SMCO2: variants seen among roughly 807,000 people sequenced by gnomAD.
SMCO2 encodes the protein single-pass membrane and coiled-coil domain-containing protein 2.
Under a neutral mutation model 29.5 loss-of-function variants are expected in SMCO2, and 25 were observed. The observed-to-expected ratio is 0.85, with a 90% CI of 0.62 to 1.18. The LOEUF (loss-of-function observed/expected upper bound fraction) is 1.18, where lower values mean the gene tolerates loss of function less well. Among genes scored for constraint, SMCO2 ranks in the 50% most tolerant of loss-of-function variants. The pLI is 0.00. For missense variants in SMCO2, 348 were observed against 344.5 expected (o/e 1.01, Z -0.08); for synonymous variants, 117 against 123.3 (o/e 0.95, Z 0.34).
the SMCO2 span, among the ~76,000 whole-genome samples, chr12:27,440,648 G>GTTTTTT: frequency 8.2e-6 from 1 of 122,378 alleles, no homozygotes; most frequent in African/African-American, 3.0e-5. Context: ...TTTTCTGTGG[G>GTTTTTT]TTTTTTTTTT....
chr12:27,493,524 C>A (rs545394552), intron 5 of SMCO2, among the ~76,000 whole-genome samples: 204 of 150,138 alleles, frequency 1.4e-3, no homozygotes, highest in African/African-American at 4.9e-3. Context: ...CCGAATGAGA[C>A]CTTGTCTCAA....
the SMCO2 span, among the ~76,000 whole-genome samples, chr12:27,443,463 G>A: frequency 2.0e-5 from 3 of 152,138 alleles, no homozygotes; most frequent in African/African-American, 4.8e-5. Context: ...AACCACACAA[G>A]GATGTCCACT....
At chr12:27,465,864 C>T (rs306633), upstream of SMCO2, among the ~76,000 whole-genome samples, 15,322 of 152,144 alleles carry the variant, frequency 0.1, 1,226 homozygotes, top group African/African-American at 0.22. Context: ...CTGTTCTGTG[C>T]TTTATCTCCA....
At chr12:27,460,906 T>C in the SMCO2 span, among the ~76,000 whole-genome samples, 1 of 152,184 alleles carries the variant, frequency 6.6e-6, no homozygotes, top group Non-Finnish European at 1.5e-5. Context: ...AAGCCAGGTT[T>C]CAGAAAGGAA....
Position 27,475,033 on chromosome 12 carries a change from A to G in SMCO2, c.362+120A>G, listed in dbSNP as rs1949573182. The stretch of plus-strand genomic sequence containing the variant: ...AAAATCCATACATGTCTTGAACCAT[A>G]AAGCAGTCCTGTGCATAGGTAACTA... On this transcript the variant is annotated intron_variant, in intron 4 of 7. Transcript: ENST00000298876. The G allele has an allele frequency of 2.4e-6, 3 of 1,249,524 alleles. No homozygotes were observed. The African/African-American group carries it at 4.5e-5, about 19-fold the overall frequency. The allele number at this position is 1,249,524 out of a possible 1,614,324, so 77.4% of individuals were successfully genotyped here. A position where few individuals can be genotyped will look rare whatever the true frequency, so the allele number is the denominator to read the frequency against.
chr12:27,429,407 G>A, the SMCO2 span, among the ~76,000 whole-genome samples: 1 of 149,018 alleles, frequency 6.7e-6, no homozygotes, highest in South Asian at 2.1e-4. Context: ...ATACAAAAAA[G>A]AATAATAAAA....
chr12:27,473,819 ACTT>A (rs1352531748), intron 3 of SMCO2, among the ~76,000 whole-genome samples: 1 of 152,238 alleles, frequency 6.6e-6, no homozygotes, highest in Non-Finnish European at 1.5e-5. Context: ...TTCAGATCAA[ACTT>A]CTTCAAAGGA....
chr12:27,447,940 T>A, the SMCO2 span, among the ~76,000 whole-genome samples: 2 of 152,124 alleles, frequency 1.3e-5, no homozygotes, highest in African/African-American at 4.8e-5. Context: ...ACCGCAACCT[T>A]CCCTAGCACT....
At chr12:27,489,660 A>T (rs1949719109) in intron 5 of SMCO2, among the ~76,000 whole-genome samples, 1 of 152,208 alleles carries the variant, frequency 6.6e-6, no homozygotes, top group South Asian at 2.1e-4. Context: ...GATCAGTGCA[A>T]ATCTATTGCC....
chr12:27,461,564 C>T, the SMCO2 span, among the ~76,000 whole-genome samples: 1 of 152,126 alleles, frequency 6.6e-6, no homozygotes, highest in Non-Finnish European at 1.5e-5. Context: ...TATTTTGGAT[C>T]CACAGAACCC....
the SMCO2 span, among the ~76,000 whole-genome samples, chr12:27,439,510 C>G: frequency 6.6e-6 from 1 of 152,144 alleles, no homozygotes; most frequent in Non-Finnish European, 1.5e-5. Context: ...AATCCAGTGA[C>G]TGACCCTAAC....
At chr12:27,460,870 A>G in the SMCO2 span, among the ~76,000 whole-genome samples, 1 of 152,200 alleles carries the variant, frequency 6.6e-6, no homozygotes. Flanking sequence ...CCAACAGCCC[A>G]GAAACCATGT....
At position 27,470,772 on chromosome 12, in the gene SMCO2, C is replaced by A; in HGVS notation, c.134+7C>A. On this transcript the variant is annotated splice_region_variant and intron_variant, in intron 2 of 7. Transcript: ENST00000298876. The stretch of plus-strand genomic sequence containing the variant: ...CTGAAGGTGCAATGCAGGAGTAAGT[C>A]AGAACTGAGCTTGCAGAAGCAGTTT... The A allele has an allele frequency of 6.5e-7, 1 of 1,549,590 alleles. No individual in the cohort carries two copies. The highest frequency in any genetic ancestry group is 1.2e-5 in the South Asian group (1 of 83,930).
At chr12:27,482,986 C>A (rs555169369) in intron 4 of SMCO2, among the ~76,000 whole-genome samples, 5 of 152,214 alleles carry the variant, frequency 3.3e-5, no homozygotes, top group Middle Eastern at 3.4e-3. Context: ...CTTGACCTCC[C>A]AAAGCGCTGG....
At chr12:27,428,792 G>A in the SMCO2 span, among the ~76,000 whole-genome samples, 4 of 149,776 alleles carry the variant, frequency 2.7e-5, no homozygotes, top group Admixed American at 6.7e-5. Flanking sequence ...ATTTTACCTT[G>A]GGGGTAAATA....
intron 5 of SMCO2, among the ~76,000 whole-genome samples, chr12:27,489,056 C>CT (rs919788766): frequency 3.2e-3 from 467 of 148,024 alleles, no homozygotes; most frequent in African/African-American, 0.01. Flanking sequence ...ACTTTCTTTC[C>CT]TTTTTTTTTT....
At chr12:27,471,639 A>G (rs115398442) in intron 2 of SMCO2, among the ~76,000 whole-genome samples, 279 of 152,322 alleles carry the variant, frequency 1.8e-3, no homozygotes, top group African/African-American at 6.3e-3. Flanking sequence ...GGCAAAGACT[A>G]TCAACACATT....
intron 5 of SMCO2, among the ~76,000 whole-genome samples, chr12:27,490,043 C>G (rs1949722527): frequency 2.0e-5 from 3 of 152,144 alleles, no homozygotes. Flanking sequence ...GCTGGGGATA[C>G]ACAGTTTTAT....
intron 5 of SMCO2, among the ~76,000 whole-genome samples, chr12:27,491,573 C>G (rs542190383): frequency 2.0e-5 from 3 of 152,244 alleles, no homozygotes; most frequent in South Asian, 2.1e-4. Context: ...TGTATATTCT[C>G]TAATTCACCT....
Sources: gnomAD v4.1 joint callset for allele counts (sites outside exome capture counted in the v4.1 genomes callset) on GRCh38, gnomAD v4.1.1 for gene constraint, MANE v1.5 for transcripts, NCBI Gene and HGNC (gene_info 2026-07-23, HGNC 2026-07-21) for gene names.